The following MAGI2 variants were observed in gnomAD, a reference collection of about 807,000 sequenced individuals.
The protein encoded by MAGI2 is membrane associated guanylate kinase, WW and PDZ domain containing 2.
MAGI2 carries 35 observed loss-of-function variants against 133.3 expected under a neutral mutation model. That is an observed-to-expected ratio of 0.26 (90% CI 0.20 to 0.35). The LOEUF is 0.35. Among genes scored for constraint, MAGI2 ranks in the 10% least tolerant of loss-of-function variants. MAGI2 has a pLI of 1.00. For missense variants in MAGI2, 1,636 were observed against 1,863.4 expected (o/e 0.88, Z 2.25); for synonymous variants, 729 against 710.6 (o/e 1.03, Z -0.41).
At chr7:78,913,569 T>C (rs1798573056) in intron 2 of MAGI2, among the ~76,000 whole-genome samples, 1 of 152,212 alleles carries the variant, frequency 6.6e-6, no homozygotes, top group Non-Finnish European at 1.5e-5. Context: ...AATAGCCTAA[T>C]GCAACAGTGA....
At chr7:78,977,379 C>T (rs1804353040) in intron 2 of MAGI2, among the ~76,000 whole-genome samples, 1 of 149,584 alleles carries the variant, frequency 6.7e-6, no homozygotes. Context: ...CAGCCACATG[C>T]AGAATGAAAG....
At chr7:78,860,741 G>A (rs748691761) in intron 2 of MAGI2, among the ~76,000 whole-genome samples, 5 of 152,134 alleles carry the variant, frequency 3.3e-5, no homozygotes, top group African/African-American at 4.8e-5. Context: ...CTCACACTCT[G>A]TGCTGGGAGA....
chr7:78,333,517 C>T (rs528726791), intron 9 of MAGI2, among the ~76,000 whole-genome samples: 1 of 152,314 alleles, frequency 6.6e-6, no homozygotes, highest in Admixed American at 6.5e-5. Context: ...CTGATTAGAT[C>T]ATTTGGTTTT....
chr7:78,852,835 G>A (rs575972905), intron 2 of MAGI2, among the ~76,000 whole-genome samples: 2 of 152,250 alleles, frequency 1.3e-5, no homozygotes, highest in South Asian at 4.2e-4. Flanking sequence ...AACATAAAAA[G>A]ACAGGAGTTT....
intron 7 of MAGI2, chr7:78,347,108 G>T (rs1272701373): frequency 6.6e-6 from 1 of 152,246 alleles, no homozygotes; most frequent in Non-Finnish European, 1.5e-5. Context: ...ACTTGGCCGG[G>T]TTTATTTCTA....
rs112062745 is a variant in MAGI2, at chr7:78,669,071, C to A, written c.419-41832G>T. Among the ~76,000 whole-genome samples, 40 of 151,852 alleles carry A rather than the reference C, an allele frequency of 2.6e-4. 1 individual carries two copies. Among genetic ancestry groups the A allele is most frequent in the Middle Eastern group, 6.8e-3 (2 of 294 alleles). On this transcript the variant is annotated intron_variant, in intron 2 of 21. Transcript: ENST00000354212. ...CAGAAGGCAAGAAATAACTAAGATC[C>A]GAGCAGAACTGAAGCAAATAGAGAC... is the stretch of plus-strand genomic sequence containing the variant.
intron 9 of MAGI2, among the ~76,000 whole-genome samples, chr7:78,271,492 T>A (rs749397377): frequency 1.3e-5 from 2 of 152,196 alleles, no homozygotes; most frequent in Non-Finnish European, 2.9e-5. Context: ...GAGGATTCCT[T>A]CTTTTTCTGT....
chr7:79,050,764 A>G (rs1433684685), intron 1 of MAGI2, among the ~76,000 whole-genome samples: 3 of 152,200 alleles, frequency 2.0e-5, no homozygotes, highest in Non-Finnish European at 4.4e-5. Flanking sequence ...ACCAACATTC[A>G]GTGAAGTCTC....
intron 2 of MAGI2, among the ~76,000 whole-genome samples, chr7:78,941,667 C>T (rs572658504): frequency 1.3e-5 from 2 of 150,316 alleles, no homozygotes; most frequent in Non-Finnish European, 3.0e-5. Flanking sequence ...CTACTATATC[C>T]CAGGGAAAAA....
chr7:79,015,182 C>T (rs981206537), intron 1 of MAGI2, among the ~76,000 whole-genome samples: 2 of 151,976 alleles, frequency 1.3e-5, no homozygotes, highest in Admixed American at 6.6e-5. Context: ...GCCAGCCATA[C>T]GGTGGCTCAT....
rs1808028956 is a variant in MAGI2, at chr7:78,019,213, G to A, written c.*102C>T. ...TGCTCCCAGGCCTTGGTGCCTCGTG[G>A]ATCTATGCGTGTGACAGTGAAAATA... On this transcript the variant is annotated 3_prime_UTR_variant, in exon 22 of 22. Transcript: ENST00000354212. The A allele has an allele frequency of 1.5e-6, 2 of 1,359,460 alleles. No homozygotes were observed. The highest frequency in any genetic ancestry group is 1.8e-4 in the Middle Eastern group (1 of 5,614). 84.2% of individuals were successfully genotyped at this position (1,359,460 alleles called of 1,614,324 possible).
At chr7:78,841,837 C>A (rs1003332392) in intron 2 of MAGI2, among the ~76,000 whole-genome samples, 3 of 151,896 alleles carry the variant, frequency 2.0e-5, no homozygotes, top group African/African-American at 7.2e-5. Context: ...TAGGTCACAG[C>A]TTAAACATGA....
intron 1 of MAGI2, among the ~76,000 whole-genome samples, chr7:79,105,148 A>T (rs1045125635): frequency 6.6e-5 from 10 of 152,236 alleles, no homozygotes; most frequent in Admixed American, 5.2e-4. Flanking sequence ...TGCTGCAGTT[A>T]TGCGAGTTTC....
intron 9 of MAGI2, among the ~76,000 whole-genome samples, chr7:78,324,228 C>T (rs1438440029): frequency 1.5e-5 from 2 of 136,736 alleles, no homozygotes; most frequent in African/African-American, 5.2e-5. Context: ...AGAAGCCTGA[C>T]TGAGGGGGAA....
intron 2 of MAGI2, among the ~76,000 whole-genome samples, chr7:78,652,347 T>C (rs1458573617): frequency 1.3e-5 from 2 of 151,888 alleles, no homozygotes; most frequent in Non-Finnish European, 2.9e-5. Context: ...AATACAATAA[T>C]ATCAAGGGTC....
chr7:78,317,842 C>T (rs888050674), intron 9 of MAGI2, among the ~76,000 whole-genome samples: 1 of 152,150 alleles, frequency 6.6e-6, no homozygotes, highest in Non-Finnish European at 1.5e-5. Flanking sequence ...GATACCCAGG[C>T]AAACAGGGTC....
At chr7:78,610,753 T>C (rs1197212072) in intron 3 of MAGI2, among the ~76,000 whole-genome samples, 1 of 152,238 alleles carries the variant, frequency 6.6e-6, no homozygotes, top group Non-Finnish European at 1.5e-5. Context: ...CTGCCAAGCA[T>C]ACTTTAGGAA....
At chr7:78,403,756 A>G (rs1797120129) in intron 6 of MAGI2, among the ~76,000 whole-genome samples, 2 of 152,204 alleles carry the variant, frequency 1.3e-5, no homozygotes, top group South Asian at 4.2e-4. Context: ...GCCAGTGATG[A>G]TGAGCATTTT....
intron 1 of MAGI2, among the ~76,000 whole-genome samples, chr7:79,119,998 T>A (rs1819745385): frequency 1.3e-5 from 2 of 152,106 alleles, no homozygotes; most frequent in Admixed American, 1.3e-4. Context: ...AAATTAGGCA[T>A]TAACTGATAG....
Sources: allele counts gnomAD v4.1 joint callset (sites outside exome capture counted in the v4.1 genomes callset), GRCh38; gene constraint gnomAD v4.1.1; transcripts MANE v1.5; gene names NCBI Gene and HGNC (gene_info 2026-07-23, HGNC 2026-07-21).